TOX: variants seen among roughly 807,000 people sequenced by gnomAD.
TOX encodes the protein thymocyte selection associated high mobility group box, also known as thymocyte selection-associated high mobility group box protein TOX.
TOX carries 11 observed loss-of-function variants against 53.7 expected under a neutral mutation model. The ratio of observed to expected loss-of-function variants is 0.20; its 90% confidence interval spans 0.13 to 0.34. The LOEUF (loss-of-function observed/expected upper bound fraction) is 0.34. TOX is among the 10% of genes least tolerant of loss of function. The probability of loss-of-function intolerance (pLI) is 1.00; values close to 1 mark genes in which losing one functional copy is unlikely to be tolerated. For missense variants in TOX, 570 were observed against 664.6 expected (o/e 0.86, Z 1.56); for synonymous variants, 225 against 245.3 (o/e 0.92, Z 0.77).
At chr8:58,930,209 A>C (rs1812236177) in intron 3 of TOX, among the ~76,000 whole-genome samples, 1 of 152,246 alleles carries the variant, frequency 6.6e-6, no homozygotes, top group South Asian at 2.1e-4. Flanking sequence ...GTGTCAGCCC[A>C]AAAAGCAATA....
intron 6 of TOX, among the ~76,000 whole-genome samples, chr8:58,826,486 A>G (rs1216414292): frequency 1.3e-5 from 2 of 152,184 alleles, no homozygotes; most frequent in Non-Finnish European, 2.9e-5. Flanking sequence ...TGTCCTCAGT[A>G]AAGGCCAATG....
Position 58,824,163 on chromosome 8 carries a change from G to A in TOX, c.1005+2659C>T, listed in dbSNP as rs529295775. On this transcript the variant is annotated intron_variant, in intron 6 of 8. Coordinates refer to ENST00000361421, the MANE Select transcript of TOX (RefSeq NM_014729.3). Reference sequence around the variant, plus strand: ...ATGGCCCAGCAGAAGACTGAGGGCAGTGCAGGTCAATGTCAGCCTTGGCCA... The same window carrying A: ...ATGGCCCAGCAGAAGACTGAGGGCAATGCAGGTCAATGTCAGCCTTGGCCA... 9.2e-5 allele frequency among the ~76,000 whole-genome samples: 14 copies of A among 152,312 alleles called. No homozygotes were observed. The South Asian group carries it at 2.9e-3, about 32-fold the overall frequency.
intron 2 of TOX, among the ~76,000 whole-genome samples, chr8:58,951,596 G>A (rs937775224): frequency 1.3e-5 from 2 of 152,138 alleles, no homozygotes; most frequent in Non-Finnish European, 2.9e-5. Context: ...TTTCCTCCAA[G>A]GTTACTCTCT....
At position 58,815,724 on chromosome 8, in the gene TOX, T is replaced by C; in HGVS notation, c.1006A>G (p.Ser336Gly). The C allele has an allele frequency of 6.2e-7, 1 of 1,602,544 alleles. No homozygotes were observed. Among genetic ancestry groups the C allele is most frequent in the Non-Finnish European group, 8.5e-7 (1 of 1,173,712 alleles). Reference sequence around the variant, plus strand: ...TTCACGTCAACAGGTTCACTGTAGCTCTGTTGAGGAAATAAATGAGCAGAG... The same window carrying C: ...TTCACGTCAACAGGTTCACTGTAGCCCTGTTGAGGAAATAAATGAGCAGAG... ...AAYRASLVSK[S>G]YSEPVDVKTS... Residue 336 changes from serine to glycine, a missense_variant and splice_region_variant, in exon 7 of 9, where the codon AGC becomes GGC. Around this residue, in one of 3 missense-constraint regions of TOX, gnomAD observed 239 missense variants for 250.7 expected, o/e 0.95. Transcript: ENST00000361421.
At chr8:58,912,689 G>A (rs540180288) in intron 3 of TOX, among the ~76,000 whole-genome samples, 4 of 152,262 alleles carry the variant, frequency 2.6e-5, no homozygotes, top group East Asian at 3.9e-4. Flanking sequence ...GAAACCCCAC[G>A]GCTCAGGAGT....
At chr8:58,853,025 G>A (rs1810851900) in intron 3 of TOX, among the ~76,000 whole-genome samples, 1 of 152,092 alleles carries the variant, frequency 6.6e-6, no homozygotes, top group African/African-American at 2.4e-5. Context: ...CATTTTCCCT[G>A]TAGTCATTTT....
intron 1 of TOX, among the ~76,000 whole-genome samples, chr8:59,095,416 C>A (rs966404883): frequency 3.3e-5 from 5 of 151,976 alleles, no homozygotes; most frequent in Admixed American, 2.0e-4. Context: ...TAAAAATAAT[C>A]TTTTTTTTGA....
chr8:59,079,372 G>A (rs1219458546), intron 1 of TOX, among the ~76,000 whole-genome samples: 1 of 152,104 alleles, frequency 6.6e-6, no homozygotes, highest in Non-Finnish European at 1.5e-5. Flanking sequence ...CCCATCACAG[G>A]CCCAGAAGCC....
intron 1 of TOX, among the ~76,000 whole-genome samples, chr8:59,005,484 G>C (rs1258107482): frequency 6.6e-6 from 1 of 151,996 alleles, no homozygotes; most frequent in Non-Finnish European, 1.5e-5. Context: ...CTGACAAATG[G>C]GATTCTATAT....
At chr8:59,067,596 T>C (rs1167306020) in intron 1 of TOX, among the ~76,000 whole-genome samples, 2 of 151,880 alleles carry the variant, frequency 1.3e-5, no homozygotes, top group Non-Finnish European at 2.9e-5. Context: ...ACTACAATAA[T>C]AACAAACATA....
chr8:59,008,874 T>C (rs918107103), intron 1 of TOX, among the ~76,000 whole-genome samples: 3 of 152,216 alleles, frequency 2.0e-5, no homozygotes, highest in Non-Finnish European at 4.4e-5. Context: ...GCAGTTACCC[T>C]TGATTTAAAG....
At chr8:58,828,185 G>A (rs1810395782) in intron 5 of TOX, among the ~76,000 whole-genome samples, 1 of 152,204 alleles carries the variant, frequency 6.6e-6, no homozygotes, top group Non-Finnish European at 1.5e-5. Flanking sequence ...CGCCAGCTAT[G>A]AAATTCGAGA....
chr8:58,821,632 G>A (rs1046684661), intron 6 of TOX, among the ~76,000 whole-genome samples: 5 of 151,744 alleles, frequency 3.3e-5, no homozygotes, highest in Admixed American at 6.6e-5. Context: ...GGCAACCACC[G>A]TGCCACTCTT....
chr8:58,866,832 C>T (rs561431836), intron 3 of TOX, among the ~76,000 whole-genome samples: 3 of 152,078 alleles, frequency 2.0e-5, no homozygotes, highest in Non-Finnish European at 2.9e-5. Flanking sequence ...ATGGGTAAAA[C>T]GTGGTTTAAT....
intron 1 of TOX, among the ~76,000 whole-genome samples, chr8:59,038,234 G>A (rs1037611397): frequency 1.3e-5 from 2 of 152,092 alleles, no homozygotes. Flanking sequence ...TTTCTATAAA[G>A]AAAGAAACTA....
rs1554524176 is a variant in TOX at position 58,851,164 on chromosome 8, C to CTCTCTCTCTT, written c.693+359_693+360insAAGAGAGAGA. Among the ~76,000 whole-genome samples the CTCTCTCTCTT allele has an allele frequency of 9.1e-5, 13 of 143,146 alleles. No individual in the cohort carries two copies. Among genetic ancestry groups the CTCTCTCTCTT allele is most frequent in the South Asian group, 4.6e-4 (2 of 4,332 alleles). 93.9% of individuals were successfully genotyped at this position (143,146 alleles called of 152,430 possible). Reference sequence around the variant, plus strand: ...ACATCTCCTCTCTCTCTCTGTCTCTCTCTCTCTCTCTCTCTCTCTCTCACA... The same window carrying CTCTCTCTCTT: ...ACATCTCCTCTCTCTCTCTGTCTCTCTCTCTCTCTTTCTCTCTCTCTCTCTCTCTCTCACA... On this transcript the variant is annotated intron_variant, in intron 4 of 8. Transcript: ENST00000361421. The surrounding 1 kb of genome is among the most constrained non-coding windows in gnomAD (Gnocchi z 4.4).
chr8:58,972,863 G>C (rs2129179835), intron 1 of TOX, among the ~76,000 whole-genome samples: 1 of 152,256 alleles, frequency 6.6e-6, no homozygotes, highest in East Asian at 1.9e-4. Flanking sequence ...AGATTAAGTA[G>C]TTTTAAGATA....
In TOX at chr8:58,963,314, T is replaced by TATAGATAGATG. The variant is rs1554533757; in HGVS notation, c.103-3307_103-3306insCATCTATCTAT. Among the ~76,000 whole-genome samples, 436 of 130,742 alleles carry TATAGATAGATG rather than the reference T, an allele frequency of 3.3e-3. 2 individuals carry two copies. The highest frequency in any genetic ancestry group is 4.7e-3 in the Non-Finnish European group (266 of 56,960). 85.8% of individuals were successfully genotyped at this position (130,742 alleles called of 152,430 possible). ...TAGAAGATAGATAGATAGATATATA[T>TATAGATAGATG]ATAGATAGATAGATAGATAGATAGA... On this transcript the variant is annotated intron_variant, in intron 1 of 8. Coordinates refer to ENST00000361421, the MANE Select transcript of TOX (RefSeq NM_014729.3).
intron 1 of TOX, among the ~76,000 whole-genome samples, chr8:59,098,397 C>T (rs1448641836): frequency 2.0e-5 from 3 of 151,646 alleles, no homozygotes; most frequent in Admixed American, 1.3e-4. Flanking sequence ...ATTCTCTCTG[C>T]ATTTTTTGGT....
Sources: gnomAD v4.1 joint callset for allele counts (sites outside exome capture counted in the v4.1 genomes callset) on GRCh38, gnomAD v4.1.1 for gene constraint, gnomAD v4.1.1 regional missense constraint, Gnocchi (gnomAD v3.1) non-coding constraint, MANE v1.5 for transcripts, NCBI Gene and HGNC (gene_info 2026-07-23, HGNC 2026-07-21) for gene names.